Variants in NUCKS1 observed in about 807,000 individuals in gnomAD.
NUCKS1 encodes nuclear casein kinase and cyclin dependent kinase substrate 1.
Under a neutral mutation model 33.0 loss-of-function variants are expected in NUCKS1, and 2 were observed. That is an observed-to-expected ratio of 0.06 (90% CI 0.02 to 0.19). NUCKS1 has a LOEUF of 0.19. NUCKS1 is among the 10% of genes least tolerant of loss of function. The probability of loss-of-function intolerance (pLI) is 1.00; values close to 1 mark genes in which losing one functional copy is unlikely to be tolerated. For synonymous variants in NUCKS1, 106 were observed against 102.8 expected (o/e 1.03, Z -0.19); for missense variants, 201 against 293.6 (o/e 0.68, Z 2.31).
intron 1 of NUCKS1, among the ~76,000 whole-genome samples, chr1:205,744,630 G>GTTTGTTTTTTTTT (rs1553253162): frequency 1.1e-5 from 1 of 87,786 alleles, no homozygotes; most frequent in East Asian, 4.1e-4. Context: ...GTTCACTAGA[G>GTTTGTTTTTTTTT]TTTTTTTTTT....
intron 1 of NUCKS1, among the ~76,000 whole-genome samples, chr1:205,738,005 A>G (rs1340373683): frequency 5.8e-4 from 88 of 152,276 alleles, no homozygotes; most frequent in Non-Finnish European, 2.9e-5. Context: ...TTTACCTCCA[A>G]AATTATATTT....
rs749479129 is a variant in NUCKS1 at position 205,727,703 on chromosome 1, T to A, written c.170A>T (p.Asp57Val). Residue 57 changes from aspartate (D) to valine (V), a missense_variant, in exon 3 of 7, where the codon GAT (aspartate) becomes GTT (valine). Coordinates refer to ENST00000367142, the MANE Select transcript of NUCKS1 (RefSeq NM_022731.5). ...ACAGAAAAACAATGCCTCTTACCTA[T>A]CTTCCTGTGAATTCTTTCCAGATCG... The part of the protein sequence containing the change: ...KRRSGKNSQE[D>V]SEDSEDKDVK... 6.2e-7 allele frequency: 1 copy of A among 1,607,144 alleles called. No homozygotes were observed. Among genetic ancestry groups the A allele is most frequent in the Non-Finnish European group, 8.5e-7 (1 of 1,173,776 alleles).
chr1:205,724,702 C>A (rs956499869), intron 3 of NUCKS1, among the ~76,000 whole-genome samples: 2 of 151,446 alleles, frequency 1.3e-5, no homozygotes, highest in Admixed American at 6.6e-5. Flanking sequence ...CCCACCCCCC[C>A]CAAAAAAAGG....
intron 1 of NUCKS1, among the ~76,000 whole-genome samples, chr1:205,749,070 T>C (rs1441270499): frequency 6.6e-6 from 1 of 152,082 alleles, no homozygotes; most frequent in East Asian, 1.9e-4. Flanking sequence ...GCCCTTTTAT[T>C]ACTAAAGTCA....
rs1404803516 is a variant in NUCKS1 at position 205,714,655 on chromosome 1, G to C, written c.*3625C>G. ...CAATAAGCCAACTCTCCATTTTCAA[G>C]TAAATCCAGCTTCATCCACAGAGAA... On this transcript the variant is annotated 3_prime_UTR_variant, in exon 7 of 7. Transcript: ENST00000367142. 6.6e-6 allele frequency: 1 copy of C among 152,140 alleles called. No homozygotes were observed. The highest frequency in any genetic ancestry group is 1.5e-5 in the Non-Finnish European group (1 of 68,016). The allele number at this position is 152,140 out of a possible 1,614,324, so 9.4% of individuals were successfully genotyped here.
chr1:205,749,875 T>A (rs2102454263), intron 1 of NUCKS1, 82 bp downstream of exon 1: 1 of 1,433,916 alleles, frequency 7.0e-7, no homozygotes, highest in East Asian at 2.4e-5. Context: ...GATGGCGGAC[T>A]CTAGCCTTCT....
rs1312874744 is a variant in NUCKS1, at chr1:205,713,173, A to T, written c.*5107T>A. 1 of 152,200 alleles carries T rather than the reference A, an allele frequency of 6.6e-6. No individual in the cohort carries two copies. The highest frequency in any genetic ancestry group is 1.5e-5 in the Non-Finnish European group (1 of 68,038). The allele number at this position is 152,200 out of a possible 1,614,324, so 9.4% of individuals were successfully genotyped here. A position where few individuals can be genotyped will look rare whatever the true frequency, so the allele number is the denominator to read the frequency against. The stretch of plus-strand genomic sequence containing the variant: ...TGTGTTTGCTTTAAGGTATTACAAG[A>T]AGTACACAGAGCACACATCTGGGTT... On this transcript the variant is annotated 3_prime_UTR_variant, in exon 7 of 7. Coordinates refer to ENST00000367142, the MANE Select transcript of NUCKS1 (RefSeq NM_022731.5).
At position 205,750,048 on chromosome 1, in the gene NUCKS1, A is replaced by ACCCCC; in HGVS notation, c.-80_-76dup. On this transcript the variant is annotated 5_prime_UTR_variant, in exon 1 of 7. Coordinates refer to ENST00000367142, the MANE Select transcript of NUCKS1 (RefSeq NM_022731.5). The stretch of plus-strand genomic sequence containing the variant: ...CCCCACCCCGCGCGCTCGGCGCCCC[A>ACCCCC]CCCCCCCCGAACTTCAGCCGATGGG... The ACCCCC allele has an allele frequency of 1.1e-6, 1 of 870,116 alleles. No homozygotes were observed. 53.9% of individuals were successfully genotyped at this position (870,116 alleles called of 1,614,324 possible). A position where few individuals can be genotyped will look rare whatever the true frequency, so the allele number is the denominator to read the frequency against.
chr1:205,749,730 A>G (rs7536483), intron 1 of NUCKS1, among the ~76,000 whole-genome samples: 1 of 150,838 alleles, frequency 6.6e-6, no homozygotes, highest in Non-Finnish European at 1.5e-5. Context: ...AGCAGACCGG[A>G]GCCCTGCAGC....
In NUCKS1 at chr1:205,727,747, T is replaced by G. The variant is rs146261096; in HGVS notation, c.126A>C (p.Arg42=). Residue 42 remains arginine, a synonymous_variant, in exon 3 of 7, where the codon CGA becomes CGC. Transcript: ENST00000367142. ...PPTKKIRSSP[R]EAKNKRRSGK... ...CAGATCGCCTCTTATTTTTAGCTTC[T>G]CGGGGAGATGATCGAATTTTCTTAG... 5.0e-6 allele frequency: 8 copies of G among 1,613,654 alleles called. No homozygotes were observed. The African/African-American group carries it at 9.3e-5, about 19-fold the overall frequency.
chr1:205,729,477 A>G (rs973149316), intron 2 of NUCKS1, 95 bp downstream of exon 2: 1 of 903,412 alleles, frequency 1.1e-6, no homozygotes, highest in Admixed American at 2.1e-5. Flanking sequence ...AAAATAAAAA[A>G]GTAAAACTTA....
In NUCKS1 at chr1:205,732,782, A is replaced by AAAAAAAAAAAAAAG. The variant is rs1479354810; in HGVS notation, c.18-3175_18-3162dup. Among the ~76,000 whole-genome samples, 12 of 150,848 alleles carry AAAAAAAAAAAAAAG rather than the reference A, an allele frequency of 8.0e-5. 1 individual carries two copies. The highest frequency in any genetic ancestry group is 2.9e-4 in the African/African-American group (12 of 41,114). On this transcript the variant is annotated intron_variant, in intron 1 of 6. Transcript: ENST00000367142. ...GCAACAGAGCAAGACTCTGTCTCAA[A>AAAAAAAAAAAAAAG]AAAAAAAAAAAAAGTTAAGATGGTA...
At chr1:205,749,490 C>G (rs1452506035) in intron 1 of NUCKS1, among the ~76,000 whole-genome samples, 2 of 152,096 alleles carry the variant, frequency 1.3e-5, no homozygotes, top group African/African-American at 4.8e-5. Flanking sequence ...AGGGCCCCCA[C>G]CCCCGCGCCA....
At chr1:205,720,042 T>C (rs1470583383) in intron 5 of NUCKS1, among the ~76,000 whole-genome samples, 1 of 152,212 alleles carries the variant, frequency 6.6e-6, no homozygotes, top group African/African-American at 2.4e-5. Flanking sequence ...AGGGCCTTTT[T>C]GGTCCAATTA....
chr1:205,748,249 G>A (rs998773010), intron 1 of NUCKS1, among the ~76,000 whole-genome samples: 1 of 152,148 alleles, frequency 6.6e-6, no homozygotes, highest in African/African-American at 2.4e-5. Flanking sequence ...TCAGGCAGAT[G>A]AGATAAGAAC....
intron 1 of NUCKS1, among the ~76,000 whole-genome samples, chr1:205,741,363 A>C (rs1269736517): frequency 6.6e-6 from 1 of 152,040 alleles, no homozygotes; most frequent in African/African-American, 2.4e-5. Flanking sequence ...TTCAATGAGC[A>C]TAAGATAAAG....
chr1:205,719,731 A>G, intron 5 of NUCKS1, 55 bp from the exon 6 acceptor site: 2 of 1,565,142 alleles, frequency 1.3e-6, no homozygotes, highest in Non-Finnish European at 1.7e-6. Flanking sequence ...CCTTCCAAGT[A>G]AAAAAGGAAG....
chr1:205,728,975 AT>A (rs916039867), intron 2 of NUCKS1, among the ~76,000 whole-genome samples: 30 of 146,148 alleles, frequency 2.1e-4, no homozygotes, highest in Admixed American at 2.0e-4. Context: ...GCTGTAGTGG[AT>A]TTTTTTTTTT....
At chr1:205,719,787 C>T in intron 5 of NUCKS1, 111 bp from the exon 6 acceptor site, 3 of 1,153,188 alleles carry the variant, frequency 2.6e-6, no homozygotes, top group Non-Finnish European at 3.6e-6. Flanking sequence ...AGTCAAACAC[C>T]CTTGGATTCT....
Sources: gnomAD v4.1 joint callset for allele counts (sites outside exome capture counted in the v4.1 genomes callset) on GRCh38, gnomAD v4.1.1 for gene constraint, MANE v1.5 for transcripts, NCBI Gene and HGNC (gene_info 2026-07-23, HGNC 2026-07-21) for gene names.